KANSL1L: variants seen among roughly 807,000 people sequenced by gnomAD.
KANSL1L encodes the protein KAT8 regulatory NSL complex subunit 1 like, also known as KAT8 regulatory NSL complex subunit 1-like protein.
Under a neutral mutation model 108.6 loss-of-function variants are expected in KANSL1L, and 25 were observed. That is an observed-to-expected ratio of 0.23 (90% CI 0.17 to 0.32). The LOEUF is 0.32. KANSL1L is among the 10% of genes least tolerant of loss of function. The pLI, the probability that KANSL1L is intolerant of heterozygous loss-of-function variation, is 1.00. For missense variants in KANSL1L, 1,137 were observed against 1,125.7 expected (o/e 1.01, Z -0.14); for synonymous variants, 405 against 395.1 (o/e 1.03, Z -0.30).
chr2:210,161,689 T>A (rs193234942), intron 1 of KANSL1L, among the ~76,000 whole-genome samples: 1 of 152,154 alleles, frequency 6.6e-6, no homozygotes, highest in South Asian at 2.1e-4. Flanking sequence ...TCGTAGAAAT[T>A]AGATGTACAT....
chr2:210,148,444 A>G (rs962451009), intron 2 of KANSL1L, among the ~76,000 whole-genome samples: 18 of 152,204 alleles, frequency 1.2e-4, no homozygotes, highest in Non-Finnish European at 4.4e-5. Context: ...TAACCAGTTC[A>G]GTGTTCATGG....
chr2:210,027,648 A>G (rs1195220622), intron 11 of KANSL1L, among the ~76,000 whole-genome samples: 1 of 151,772 alleles, frequency 6.6e-6, no homozygotes, highest in Non-Finnish European at 1.5e-5. Flanking sequence ...GGCCTGGCCA[A>G]AAAGTAACAG....
Position 210,099,162 on chromosome 2 carries a change from T to C in KANSL1L, c.1429-955A>G, listed in dbSNP as rs953778746. The stretch of plus-strand genomic sequence containing the variant: ...TGAGTTTTCTGAGTATATGTAAGCA[T>C]GAGTGTACATTCAACATGAACACAT... On this transcript the variant is annotated intron_variant, in intron 4 of 14. Coordinates refer to ENST00000281772, the MANE Select transcript of KANSL1L (RefSeq NM_152519.4). Among the ~76,000 whole-genome samples the C allele has an allele frequency of 2.6e-5, 4 of 152,282 alleles. No individual in the cohort carries two copies. In the East Asian group the frequency reaches 7.7e-4, roughly 29 times the overall value.
intron 5 of KANSL1L, among the ~76,000 whole-genome samples, chr2:210,079,335 C>T (rs1266910871): frequency 6.6e-6 from 1 of 151,718 alleles, no homozygotes; most frequent in Non-Finnish European, 1.5e-5. Flanking sequence ...GTGGCTCACA[C>T]CTGTAATTCC....
In KANSL1L at chr2:210,050,698, A is replaced by T. The variant is rs993288371; in HGVS notation, c.1756-6594T>A. 2.6e-5 allele frequency among the ~76,000 whole-genome samples: 4 copies of T among 151,242 alleles called. No homozygotes were observed. The South Asian group carries it at 8.3e-4, about 32-fold the overall frequency. The stretch of plus-strand genomic sequence containing the variant: ...ATAGTGAGACCATCTCTACAGAAAA[A>T]AAAAAAAAAAAAAAAAATTAGCTGG... On this transcript the variant is annotated intron_variant, in intron 6 of 14. Transcript: ENST00000281772.
intron 8 of KANSL1L, among the ~76,000 whole-genome samples, chr2:210,034,280 A>AATAC (rs2094069068): frequency 1.3e-5 from 2 of 152,232 alleles, no homozygotes; most frequent in Non-Finnish European, 2.9e-5. Context: ...GTTACTGAGA[A>AATAC]TGTATAAGAG....
At chr2:210,094,625 A>G (rs1411594713) in intron 5 of KANSL1L, among the ~76,000 whole-genome samples, 4 of 152,078 alleles carry the variant, frequency 2.6e-5, no homozygotes, top group African/African-American at 4.8e-5. Flanking sequence ...ATAAAATTGT[A>G]TCTCCGATTA....
chr2:210,041,399 A>G (rs991379641), intron 7 of KANSL1L, among the ~76,000 whole-genome samples: 1 of 152,184 alleles, frequency 6.6e-6, no homozygotes, highest in Non-Finnish European at 1.5e-5. Flanking sequence ...GAATACATAA[A>G]TGAGGATAGA....
At chr2:210,110,783 A>AGAT (rs2094896557) in intron 3 of KANSL1L, among the ~76,000 whole-genome samples, 1 of 152,214 alleles carries the variant, frequency 6.6e-6, no homozygotes, top group African/African-American at 2.4e-5. Flanking sequence ...ACTTGAAGAA[A>AGAT]GATGTAACAC....
intron 2 of KANSL1L, among the ~76,000 whole-genome samples, chr2:210,138,646 T>C (rs2095197630): frequency 6.6e-6 from 1 of 152,234 alleles, no homozygotes. Flanking sequence ...ATATTTATGG[T>C]GTACATATTT....
At chr2:210,052,871 G>A (rs2094308770) in intron 6 of KANSL1L, among the ~76,000 whole-genome samples, 1 of 152,216 alleles carries the variant, frequency 6.6e-6, no homozygotes. Flanking sequence ...ATTCTAAATA[G>A]TTGTATATGC....
intron 3 of KANSL1L, among the ~76,000 whole-genome samples, chr2:210,105,314 TATATA>T (rs913700748): frequency 6.8e-6 from 1 of 148,028 alleles, no homozygotes; most frequent in African/African-American, 2.5e-5. Flanking sequence ...TTACATATAT[TATATA>T]TTATATACAC....
chr2:210,055,759 A>T (rs993979193), intron 6 of KANSL1L, among the ~76,000 whole-genome samples: 1 of 152,228 alleles, frequency 6.6e-6, no homozygotes, highest in Non-Finnish European at 1.5e-5. Flanking sequence ...AAGATGATCT[A>T]GAGTATCTGG....
intron 5 of KANSL1L, chr2:210,096,700 G>A: frequency 1.0e-6 from 1 of 967,424 alleles, no homozygotes; most frequent in Non-Finnish European, 1.2e-6. Context: ...TCTCATAAAT[G>A]AAAATATCAT....
At chr2:210,051,962 T>G (rs896697330) in intron 6 of KANSL1L, among the ~76,000 whole-genome samples, 3 of 151,800 alleles carry the variant, frequency 2.0e-5, no homozygotes, top group Non-Finnish European at 2.9e-5. Context: ...AAATTTTAAT[T>G]ATAGCTATTT....
At chr2:210,110,837 C>T (rs1008252979) in intron 3 of KANSL1L, among the ~76,000 whole-genome samples, 4 of 152,106 alleles carry the variant, frequency 2.6e-5, no homozygotes, top group African/African-American at 9.7e-5. Flanking sequence ...GTGGCTTATA[C>T]CTGTAATCTC....
At position 210,024,180 on chromosome 2, in the gene KANSL1L, T is replaced by G; in HGVS notation, c.2586A>C (p.Glu862Asp). The G allele has an allele frequency of 6.3e-7, 1 of 1,583,538 alleles. No homozygotes were observed. The highest frequency in any genetic ancestry group is 8.6e-7 in the Non-Finnish European group (1 of 1,166,324). Reference sequence around the variant, plus strand: ...ATTCTTTCAAAAGCAAGTCCTGTCCTTCAACATTTTTACTGTAAGCTCTAG... The same window carrying G: ...ATTCTTTCAAAAGCAAGTCCTGTCCGTCAACATTTTTACTGTAAGCTCTAG... ...RNSRAYSKNV[E>D]GQDLLLKEYP... Residue 862 changes from glutamate to aspartate, a missense_variant, in exon 14 of 15, where the codon GAA becomes GAC. Physicochemically the swap from Glu to Asp is conservative, Grantham distance 45. Transcript: ENST00000281772.
chr2:210,152,885 C>A (rs1270304807), intron 2 of KANSL1L: 1 of 152,118 alleles, frequency 6.6e-6, no homozygotes, highest in African/African-American at 2.4e-5. Context: ...TTGTCCACAG[C>A]CTATTCAAGA....
At chr2:210,054,321 CAAAAAAA>C (rs138535904) in intron 6 of KANSL1L, among the ~76,000 whole-genome samples, 1 of 122,872 alleles carries the variant, frequency 8.1e-6, no homozygotes, top group Non-Finnish European at 1.7e-5. Context: ...GACTCCATCT[CAAAAAAA>C]AAAAAAAAAA....
Sources: allele counts gnomAD v4.1 joint callset (sites outside exome capture counted in the v4.1 genomes callset), GRCh38; gene constraint gnomAD v4.1.1; transcripts MANE v1.5; gene names NCBI Gene and HGNC (gene_info 2026-07-23, HGNC 2026-07-21).